The following NHS variants were observed in gnomAD, a reference collection of about 807,000 sequenced individuals.
NHS encodes the protein NHS actin remodeling regulator, also known as actin remodeling regulator NHS.
NHS carries 5 observed loss-of-function variants against 72.5 expected under a neutral mutation model. That is an observed-to-expected ratio of 0.07 (90% CI 0.04 to 0.14). The LOEUF (loss-of-function observed/expected upper bound fraction) is 0.14. NHS is among the 10% of genes least tolerant of loss of function. The pLI is 1.00. For missense variants in NHS, 1,072 were observed against 1,355.7 expected (o/e 0.79, Z 3.29); for synonymous variants, 464 against 547.7 (o/e 0.85, Z 2.13).
At chrX:17,379,307 T>A (rs1260971614) in intron 1 of NHS, among the ~76,000 whole-genome samples, 1 of 110,157 alleles carries the variant, frequency 9.1e-6, no homozygotes, top group Non-Finnish European at 1.9e-5. Flanking sequence ...CTGGTGATGG[T>A]GGCTAGGACT....
chrX:17,398,236 C>T (rs2064485930), intron 1 of NHS, among the ~76,000 whole-genome samples: 1 of 111,853 alleles, frequency 8.9e-6, no homozygotes, highest in South Asian at 3.8e-4. Context: ...AGAACAGATT[C>T]CTTTTCATCT....
intron 1 of NHS, among the ~76,000 whole-genome samples, chrX:17,425,686 C>T (rs887113494): frequency 4.6e-5 from 5 of 108,860 alleles, no homozygotes; most frequent in African/African-American, 1.7e-4. Context: ...CTGCCTTTGA[C>T]GTTGGTAAAG....
chrX:17,445,719 G>A (rs1249841929), intron 1 of NHS, among the ~76,000 whole-genome samples: 1 of 91,259 alleles, frequency 1.1e-5, no homozygotes, highest in Non-Finnish European at 2.1e-5. Context: ...CTCCAAAATC[G>A]CTGAGGTCTC....
chrX:17,395,689 G>T (rs2064471662), intron 1 of NHS, among the ~76,000 whole-genome samples: 1 of 111,934 alleles, frequency 8.9e-6, no homozygotes. Context: ...CAAGTTTGGG[G>T]TGGGCATAAG....
intron 1 of NHS, among the ~76,000 whole-genome samples, chrX:17,666,628 G>T (rs2066014526): frequency 9.0e-6 from 1 of 110,688 alleles, no homozygotes; most frequent in African/African-American, 3.4e-5. Context: ...CTGAAAATAT[G>T]AATGAGCAAC....
Position 17,734,903 on chromosome X carries a change from T to C in NHS, c.*2439T>C, listed in dbSNP as rs1237476148. Reference sequence around the variant, plus strand: ...GGGGTTTTTTAAGTGTGAAGAAAGGTATGTGGGCTTTAAAAGTGATTCTAA... The same window carrying C: ...GGGGTTTTTTAAGTGTGAAGAAAGGCATGTGGGCTTTAAAAGTGATTCTAA... On this transcript the variant is annotated 3_prime_UTR_variant, in exon 9 of 9. Transcript: ENST00000676302. 8.9e-6 allele frequency: 1 copy of C among 112,307 alleles called. No homozygotes were observed. The highest frequency in any genetic ancestry group is 3.2e-5 in the African/African-American group (1 of 30,811). 9.3% of individuals were successfully genotyped at this position (112,307 alleles called of 1,213,427 possible). A position where few individuals can be genotyped will look rare whatever the true frequency, so the allele number is the denominator to read the frequency against.
chrX:17,717,009 C>T (rs2147133622), intron 3 of NHS, among the ~76,000 whole-genome samples: 1 of 105,528 alleles, frequency 9.5e-6, no homozygotes, highest in East Asian at 3.0e-4. Flanking sequence ...GCTCTGTCAC[C>T]CAGGCTGGAG....
At chrX:17,530,550 G>C (rs2065193520) in intron 1 of NHS, among the ~76,000 whole-genome samples, 2 of 111,325 alleles carry the variant, frequency 1.8e-5, no homozygotes, top group Admixed American at 1.9e-4. Context: ...GCAGAATCAG[G>C]GCTCCACTGC....
chrX:17,493,807 C>T (rs762135784), intron 1 of NHS, among the ~76,000 whole-genome samples: 46 of 111,470 alleles, frequency 4.1e-4, no homozygotes, highest in Admixed American at 3.5e-3. Context: ...GTTTCAGGAG[C>T]CCTGCTTTGC....
intron 3 of NHS, among the ~76,000 whole-genome samples, chrX:17,703,381 G>A (rs1340042237): frequency 8.9e-6 from 1 of 112,299 alleles, no homozygotes; most frequent in Non-Finnish European, 1.9e-5. Flanking sequence ...ATGAGTCAGA[G>A]AAAGTCCACC....
intron 3 of NHS, among the ~76,000 whole-genome samples, chrX:17,696,539 A>G (rs1271566210): frequency 8.9e-6 from 1 of 111,810 alleles, no homozygotes; most frequent in Non-Finnish European, 1.9e-5. Context: ...ATGTGTTTTC[A>G]CTCTTGGTAC....
chrX:17,689,453 A>G (rs1469158718), intron 2 of NHS, among the ~76,000 whole-genome samples: 1 of 111,513 alleles, frequency 9.0e-6, no homozygotes, highest in Non-Finnish European at 1.9e-5. Flanking sequence ...TTCTTTCCAC[A>G]CTTGCCATTC....
chrX:17,633,066 T>C (rs1284720521), intron 1 of NHS, among the ~76,000 whole-genome samples: 2 of 109,266 alleles, frequency 1.8e-5, no homozygotes, highest in African/African-American at 6.8e-5. Flanking sequence ...CTGAGACCCA[T>C]AGGAAGGGTT....
intron 1 of NHS, among the ~76,000 whole-genome samples, chrX:17,636,133 T>A: frequency 8.9e-6 from 1 of 111,976 alleles, no homozygotes; most frequent in Non-Finnish European, 1.9e-5. Flanking sequence ...TTCAGTATCT[T>A]ACCTTCATCC....
chrX:17,631,475 A>G (rs924233869), intron 1 of NHS, among the ~76,000 whole-genome samples: 44 of 112,048 alleles, frequency 3.9e-4, no homozygotes, highest in Admixed American at 3.7e-3. Context: ...GAGACTCTAT[A>G]TTAGGAAGAT....
chrX:17,697,132 G>A (rs2066235863), intron 3 of NHS, among the ~76,000 whole-genome samples: 1 of 111,146 alleles, frequency 9.0e-6, no homozygotes, highest in Admixed American at 9.6e-5. Flanking sequence ...AAGCTTCTGG[G>A]GGAGACAAAA....
chrX:17,616,796 A>G (rs1328328451), intron 1 of NHS, among the ~76,000 whole-genome samples: 7 of 112,645 alleles, frequency 6.2e-5, no homozygotes, highest in Admixed American at 1.9e-4. Flanking sequence ...GTACATTTAC[A>G]TTTGAATTAA....
At chrX:17,589,438 C>T (rs2065592013) in intron 1 of NHS, among the ~76,000 whole-genome samples, 1 of 112,184 alleles carries the variant, frequency 8.9e-6, no homozygotes, top group African/African-American at 3.2e-5. Flanking sequence ...TCCTGAGTTA[C>T]ATCACTTAGA....
intron 1 of NHS, among the ~76,000 whole-genome samples, chrX:17,420,158 C>CT (rs1002633090): frequency 8.9e-6 from 1 of 111,983 alleles, no homozygotes; most frequent in African/African-American, 3.2e-5. Context: ...GAACCTGACT[C>CT]TGAGAAATGT....
Sources: allele counts gnomAD v4.1 joint callset (sites outside exome capture counted in the v4.1 genomes callset), GRCh38; gene constraint gnomAD v4.1.1; transcripts MANE v1.5; gene names NCBI Gene and HGNC (gene_info 2026-07-23, HGNC 2026-07-21).